The following DLG2 variants were observed in gnomAD, a reference collection of about 807,000 sequenced individuals.
DLG2 encodes the protein discs large MAGUK scaffold protein 2.
Under a neutral mutation model 132.5 loss-of-function variants are expected in DLG2, and 45 were observed. The ratio of observed to expected loss-of-function variants is 0.34; its 90% CI spans 0.27 to 0.44. The LOEUF (loss-of-function observed/expected upper bound fraction) is 0.44. Ranked by LOEUF, DLG2 falls within the 20% of genes least tolerant of loss-of-function variation. The probability of loss-of-function intolerance (pLI) is 1.00; values close to 1 mark genes in which losing one functional copy is unlikely to be tolerated. For synonymous variants in DLG2, 424 were observed against 419.6 expected (o/e 1.01, Z -0.13); for missense variants, 1,045 against 1,196.9 (o/e 0.87, Z 1.87).
rs188053494 is a variant in DLG2, at chr11:83,943,600, T to A, written c.1341-13117A>T. Among the ~76,000 whole-genome samples the A allele has an allele frequency of 7.1e-3, 1,078 of 152,376 alleles. 5 individuals carry two copies. Among genetic ancestry groups the A allele is most frequent in the Non-Finnish European group, 0.012 (844 of 68,040 alleles). On this transcript the variant is annotated intron_variant, in intron 14 of 27. Transcript: ENST00000376104. ...TCAAATGTCTTCAGTTATGCAAATA[T>A]ATTCTGTTACTAACAAGATTCTACT...
intron 3 of DLG2, among the ~76,000 whole-genome samples, chr11:85,501,212 C>A (rs919078261): frequency 6.6e-6 from 1 of 152,182 alleles, no homozygotes; most frequent in South Asian, 2.1e-4. Flanking sequence ...AACTGGCTAG[C>A]CATATGCAGA....
chr11:85,146,054 G>A (rs925292761), intron 5 of DLG2, among the ~76,000 whole-genome samples: 2 of 152,078 alleles, frequency 1.3e-5, no homozygotes, highest in African/African-American at 2.4e-5. Flanking sequence ...TCAACACTGG[G>A]AGATACCGCA....
chr11:84,476,853 A>C (rs149587390), intron 7 of DLG2, among the ~76,000 whole-genome samples: 168 of 152,306 alleles, frequency 1.1e-3, no homozygotes, highest in African/African-American at 4.0e-3. Flanking sequence ...CTTCCCACTG[A>C]GGGCTTAGAC....
intron 6 of DLG2, among the ~76,000 whole-genome samples, chr11:84,846,298 G>C (rs930963755): frequency 5.3e-5 from 8 of 151,980 alleles, no homozygotes; most frequent in Non-Finnish European, 1.2e-4. Flanking sequence ...CAGAACTATA[G>C]GTTACCAATG....
intron 16 of DLG2, among the ~76,000 whole-genome samples, chr11:83,860,538 C>T (rs1443652097): frequency 6.6e-6 from 1 of 152,158 alleles, no homozygotes; most frequent in South Asian, 2.1e-4. Flanking sequence ...AAAGCCAGTA[C>T]CCCCACTGTA....
chr11:85,087,844 C>CAAAAAAAAAAA lies in DLG2; in HGVS notation c.357+23806_357+23816dup, dbSNP rs71465019. 1.6e-3 allele frequency among the ~76,000 whole-genome samples: 35 copies of CAAAAAAAAAAA among 22,052 alleles called. 2 individuals are homozygous for CAAAAAAAAAAA. The highest frequency in any genetic ancestry group is 3.8e-3 in the African/African-American group (32 of 8,312). 14.5% of individuals were successfully genotyped at this position (22,052 alleles called of 152,430 possible). A position where few individuals can be genotyped will look rare whatever the true frequency, so the allele number is the denominator to read the frequency against. On this transcript the variant is annotated intron_variant, in intron 6 of 27. Coordinates refer to ENST00000376104, the MANE Select transcript of DLG2 (RefSeq NM_001142699.3). ...TGGGCGACAGAGCGAGACTCCGTCT[C>CAAAAAAAAAAA]AAAAAAAAAAAAAAAAAAAAAAAAA...
At chr11:85,155,032 G>T (rs2077501421) in intron 4 of DLG2, among the ~76,000 whole-genome samples, 1 of 152,188 alleles carries the variant, frequency 6.6e-6, no homozygotes, top group African/African-American at 2.4e-5. Context: ...GAAGCTATTG[G>T]AGCTCTCAGA....
At chr11:84,920,661 T>A (rs879800711) in intron 6 of DLG2, among the ~76,000 whole-genome samples, 1 of 152,066 alleles carries the variant, frequency 6.6e-6, no homozygotes, top group Non-Finnish European at 1.5e-5. Flanking sequence ...AAAATTGTAA[T>A]AGATGAATGA....
At chr11:84,420,394 T>C (rs1043133826) in intron 7 of DLG2, among the ~76,000 whole-genome samples, 6 of 152,112 alleles carry the variant, frequency 3.9e-5, no homozygotes, top group African/African-American at 1.4e-4. Flanking sequence ...CCTAAGGATA[T>C]TTACTGCATT....
chr11:85,479,264 G>A (rs1329771721), intron 3 of DLG2, among the ~76,000 whole-genome samples: 1 of 152,154 alleles, frequency 6.6e-6, no homozygotes, highest in East Asian at 1.9e-4. Flanking sequence ...TCATGGCAAA[G>A]GCAGATTCAC....
At chr11:85,494,727 C>A (rs1488443400) in intron 3 of DLG2, among the ~76,000 whole-genome samples, 1 of 151,296 alleles carries the variant, frequency 6.6e-6, no homozygotes, top group Non-Finnish European at 1.5e-5. Context: ...CAAAAGAAAC[C>A]AATAAAGAGT....
At chr11:84,565,402 T>C (rs2099449193) in intron 6 of DLG2, among the ~76,000 whole-genome samples, 1 of 152,164 alleles carries the variant, frequency 6.6e-6, no homozygotes, top group Non-Finnish European at 1.5e-5. Flanking sequence ...CATTTGCACA[T>C]AGGTACAACA....
intron 11 of DLG2, among the ~76,000 whole-genome samples, chr11:84,046,816 C>T (rs531739072): frequency 6.6e-6 from 1 of 151,600 alleles, no homozygotes; most frequent in South Asian, 2.1e-4. Flanking sequence ...AAATAGATTT[C>T]ATTTTATCTT....
At chr11:83,644,215 G>A (rs1380885870) in intron 18 of DLG2, among the ~76,000 whole-genome samples, 1 of 152,068 alleles carries the variant, frequency 6.6e-6, no homozygotes, top group Non-Finnish European at 1.5e-5. Flanking sequence ...TATCTGTGAA[G>A]AACATTGCAG....
Position 85,202,723 on chromosome 11 carries a change from G to A in DLG2, c.187-48072C>T, listed in dbSNP as rs531796735. Among the ~76,000 whole-genome samples, 6 of 151,948 alleles carry A rather than the reference G, an allele frequency of 3.9e-5. No homozygotes were observed. The South Asian group carries it at 1.2e-3, about 32-fold the overall frequency. On this transcript the variant is annotated intron_variant, in intron 4 of 27. Transcript: ENST00000376104. ...TTTCTGACCACGATGTAACAAAAGT[G>A]AAAATCAGCAAAAAGAAGAAATTTA...
In DLG2 at chr11:83,840,055, T is replaced by A. The variant is rs11602731; in HGVS notation, c.1566-6285A>T. ...ACCCTATGTTCCAGCCACATCAAAG[T>A]CCCTGTGCTTCCCTGAGTTTGACAT... On this transcript the variant is annotated intron_variant, in intron 16 of 27. Coordinates refer to ENST00000376104, the MANE Select transcript of DLG2 (RefSeq NM_001142699.3). 3.2e-3 allele frequency among the ~76,000 whole-genome samples: 492 copies of A among 152,308 alleles called. 4 individuals carry two copies. The highest frequency in any genetic ancestry group is 5.1e-3 in the Non-Finnish European group (350 of 68,026).
chr11:83,823,853 C>T (rs1357305153), intron 17 of DLG2, among the ~76,000 whole-genome samples: 1 of 152,114 alleles, frequency 6.6e-6, no homozygotes, highest in Admixed American at 6.5e-5. Context: ...CATATGTCTC[C>T]TTTTAAATGC....
intron 6 of DLG2, among the ~76,000 whole-genome samples, chr11:84,862,956 C>T (rs1344571713): frequency 6.6e-6 from 1 of 151,866 alleles, no homozygotes; most frequent in East Asian, 2.0e-4. Flanking sequence ...ACATCTATCC[C>T]AGAACTTAAA....
upstream of DLG2, chr11:85,627,620 A>C (rs181838543): frequency 9.2e-5 from 14 of 152,374 alleles, no homozygotes; most frequent in Admixed American, 3.3e-4. Flanking sequence ...GCGATTTCCT[A>C]AATGAGAAAG....
Sources: gnomAD v4.1 joint callset for allele counts (sites outside exome capture counted in the v4.1 genomes callset) on GRCh38, gnomAD v4.1.1 for gene constraint, MANE v1.5 for transcripts, NCBI Gene and HGNC (gene_info 2026-07-23, HGNC 2026-07-21) for gene names.